LYPD5: variants seen among roughly 807,000 people sequenced by gnomAD.
LYPD5 encodes LY6/PLAUR domain containing 5.
A neutral mutation model predicts 19.1 loss-of-function variants in LYPD5; 21 were observed. That is an observed-to-expected ratio of 1.10 (90% CI 0.78 to 1.58). LYPD5 has a LOEUF of 1.58. LYPD5 is among the 40% of genes most tolerant of loss of function. The pLI is 0.00. For synonymous variants in LYPD5, 128 were observed against 142.7 expected (o/e 0.90, Z 0.74); for missense variants, 287 against 329.8 (o/e 0.87, Z 1.00).
upstream of LYPD5, among the ~76,000 whole-genome samples, chr19:43,807,384 G>A (rs981700842): frequency 4.6e-5 from 7 of 151,296 alleles, no homozygotes; most frequent in African/African-American, 1.5e-4. Flanking sequence ...AGGTTCAAGC[G>A]ATTCTCCTGC....
chr19:43,802,998 CACAA>C (rs890010109), upstream of LYPD5, among the ~76,000 whole-genome samples: 1 of 152,072 alleles, frequency 6.6e-6, no homozygotes, highest in African/African-American at 2.4e-5. Flanking sequence ...TGAATGAAGA[CACAA>C]ACAGAGAGGC....
At chr19:43,805,692 G>C (rs1970265264), upstream of LYPD5, among the ~76,000 whole-genome samples, 1 of 152,026 alleles carries the variant, frequency 6.6e-6, no homozygotes, top group Admixed American at 6.6e-5. Flanking sequence ...ATTTTTAGTA[G>C]ACACAGGGTT....
intron 1 of LYPD5, among the ~76,000 whole-genome samples, chr19:43,813,228 G>T (rs943241203): frequency 1.3e-5 from 2 of 152,160 alleles, no homozygotes; most frequent in Admixed American, 6.5e-5. Context: ...ATTAGTTTCA[G>T]TGAAAGGTAG....
At chr19:43,799,126 C>G in intron 2 of LYPD5, 138 bp from the exon 3 acceptor site, 1 of 700,076 alleles carries the variant, frequency 1.4e-6, no homozygotes, top group Non-Finnish European at 2.1e-6. Flanking sequence ...CCTCTCACCC[C>G]CAGACCTTTT....
chr19:43,818,540 G>A (rs1346897991), intron 1 of LYPD5, among the ~76,000 whole-genome samples: 2 of 152,218 alleles, frequency 1.3e-5, no homozygotes, highest in Non-Finnish European at 1.5e-5. Context: ...TCCAGGTCGC[G>A]TGTGAATAGT....
chr19:43,812,374 T>TATCA (rs761093495), intron 1 of LYPD5, among the ~76,000 whole-genome samples: 3 of 124,738 alleles, frequency 2.4e-5, no homozygotes, highest in Non-Finnish European at 3.6e-5. Flanking sequence ...TCTATCTATC[T>TATCA]ATCAATCTAT....
At chr19:43,805,912 T>TG (rs1970266917), upstream of LYPD5, among the ~76,000 whole-genome samples, 1 of 36,100 alleles carries the variant, frequency 2.8e-5, no homozygotes, top group Non-Finnish European at 6.2e-5. Context: ...AGTGTATTCA[T>TG]GTTTTGTACA....
rs550119096 is a variant in LYPD5, at chr19:43,797,398, C to T, written c.*193G>A. The T allele has an allele frequency of 3.7e-5, 21 of 572,424 alleles. No homozygotes were observed. The South Asian group carries it at 4.7e-4, about 13-fold the overall frequency. 35.5% of individuals were successfully genotyped at this position (572,424 alleles called of 1,614,324 possible). On this transcript the variant is annotated 3_prime_UTR_variant, in exon 5 of 5. Coordinates refer to ENST00000377950, the MANE Select transcript of LYPD5 (RefSeq NM_001031749.3). ...GGCTGTTTTGCCCTCCCCGGGGATG[C>T]TGGTGACTGTGTCCAGTTTCTTCCA...
intron 1 of LYPD5, among the ~76,000 whole-genome samples, chr19:43,801,375 C>A (rs139976326): frequency 7.2e-5 from 11 of 152,240 alleles, no homozygotes; most frequent in Non-Finnish European, 1.5e-4. Context: ...GTGGCACATG[C>A]CTATAGTCAC....
At chr19:43,819,283 CTTTT>C (rs560659624) in intron 1 of LYPD5, among the ~76,000 whole-genome samples, 1 of 110,514 alleles carries the variant, frequency 9.0e-6, no homozygotes, top group African/African-American at 3.4e-5. Context: ...TCTTCTTCTT[CTTTT>C]TTTTTTTTTT....
chr19:43,808,921 C>A (rs1007866001), intron 1 of LYPD5, among the ~76,000 whole-genome samples: 14 of 152,284 alleles, frequency 9.2e-5, no homozygotes, highest in Non-Finnish European at 7.4e-5. Flanking sequence ...ATTTCTAAAG[C>A]AATAATAAGC....
chr19:43,817,101 C>T (rs111231632), intron 1 of LYPD5, among the ~76,000 whole-genome samples: 1,557 of 152,260 alleles, frequency 0.01, 24 homozygotes, highest in African/African-American at 0.035. Flanking sequence ...CTTGAAATTA[C>T]GAATATTATT....
At chr19:43,798,754 C>G in intron 3 of LYPD5, 58 bp downstream of exon 3, 1 of 1,573,026 alleles carries the variant, frequency 6.4e-7, no homozygotes, top group Non-Finnish European at 8.6e-7. Flanking sequence ...ACGCCTTCCC[C>G]GAGGCTGCCA....
Position 43,797,848 on chromosome 19 carries a change from G to C in LYPD5, c.518-19C>G, listed in dbSNP as rs755273552. ...AAATTGCCTGGAGGTGGGCAAAGCA[G>C]TGAGGAACGGTCAGAACTGAGGGAG... On this transcript the variant is annotated intron_variant, in intron 4 of 4. Transcript: ENST00000377950. 4.4e-6 allele frequency: 7 copies of C among 1,578,210 alleles called. No homozygotes were observed. The Admixed American group carries it at 1.0e-4, about 23-fold the overall frequency.
At position 43,798,468 on chromosome 19, in the gene LYPD5, G is replaced by T. The variant is rs1970168018; in HGVS notation, c.504C>A (p.Gly168=). The T allele has an allele frequency of 6.2e-7, 1 of 1,607,440 alleles. No individual in the cohort carries two copies. The highest frequency in any genetic ancestry group is 8.5e-7 in the Non-Finnish European group (1 of 1,179,980). ...CCAGCCCCTTACCAACTGTCATTCT[G>T]CCATTGCCCTGGAAGCAGGCGGTCT... ...QDQTACFQGN[G]RMTVGNFSVP... The change falls in exon 4 of 5, where the codon GGC becomes GGA. Residue 168 remains glycine, a synonymous_variant. Coordinates refer to ENST00000377950, the MANE Select transcript of LYPD5 (RefSeq NM_001031749.3).
intron 1 of LYPD5, among the ~76,000 whole-genome samples, chr19:43,800,238 G>A (rs929393309): frequency 9.2e-5 from 14 of 152,210 alleles, no homozygotes; most frequent in Non-Finnish European, 1.3e-4. Flanking sequence ...GTAGAGTGAA[G>A]TGTGGTCCTG....
intron 1 of LYPD5, among the ~76,000 whole-genome samples, chr19:43,812,890 C>T (rs536797912): frequency 4.6e-5 from 7 of 152,238 alleles, no homozygotes; most frequent in Admixed American, 6.5e-5. Flanking sequence ...TGGTAACTTC[C>T]GGGTATTGCC....
chr19:43,799,870 G>C (rs1568403605), intron 1 of LYPD5, 36 bp from the exon 2 acceptor site: 1 of 1,575,720 alleles, frequency 6.3e-7, no homozygotes. Flanking sequence ...AGCAGGGCCA[G>C]TGTGAGCCTG....
chr19:43,807,275 TCTTTTC>T (rs1970278119), upstream of LYPD5, among the ~76,000 whole-genome samples: 1 of 150,824 alleles, frequency 6.6e-6, no homozygotes, highest in Non-Finnish European at 1.5e-5. Context: ...TCTTTTCTTT[TCTTTTC>T]TTTTTCTTTT....
Sources: gnomAD v4.1 joint callset for allele counts (sites outside exome capture counted in the v4.1 genomes callset) on GRCh38, gnomAD v4.1.1 for gene constraint, MANE v1.5 for transcripts, NCBI Gene and HGNC (gene_info 2026-07-23, HGNC 2026-07-21) for gene names.